Variants in MEIS2 observed in about 807,000 individuals in gnomAD.
The protein encoded by MEIS2 is Meis homeobox 2.
In MEIS2, 9 loss-of-function variants were observed where a neutral mutation model predicts 58.6. The ratio of observed to expected loss-of-function variants is 0.15; its 90% CI spans 0.09 to 0.27. MEIS2 has a LOEUF of 0.27. Ranked by LOEUF, MEIS2 falls within the 10% of genes least tolerant of loss-of-function variation. The pLI, the probability that MEIS2 is intolerant of heterozygous loss-of-function variation, is 1.00. For missense variants in MEIS2, 427 were observed against 635.0 expected (o/e 0.67, Z 3.52); for synonymous variants, 221 against 228.4 (o/e 0.97, Z 0.29).
intron 7 of MEIS2, among the ~76,000 whole-genome samples, chr15:37,052,422 T>C (rs1285701359): frequency 6.6e-6 from 1 of 152,180 alleles, no homozygotes; most frequent in Non-Finnish European, 1.5e-5. Flanking sequence ...ACGTGGCTAG[T>C]TGGTAATGCA....
intron 1 of MEIS2, 53 bp downstream of exon 1, chr15:37,099,402 C>T: frequency 2.5e-6 from 4 of 1,613,450 alleles, no homozygotes; most frequent in Non-Finnish European, 3.4e-6. Context: ...TCGGGACAGG[C>T]CCCTCTTAGG....
intron 8 of MEIS2, among the ~76,000 whole-genome samples, chr15:36,985,959 T>C (rs17526844): frequency 0.2 from 29,728 of 152,204 alleles, 3,962 homozygotes; most frequent in Non-Finnish European, 0.29. Flanking sequence ...ACATGCCTTA[T>C]AAATAGGACC....
chr15:36,926,852 T>C (rs745878983), intron 9 of MEIS2, among the ~76,000 whole-genome samples: 24 of 152,188 alleles, frequency 1.6e-4, no homozygotes, highest in Admixed American at 7.9e-4. Flanking sequence ...TTAAAAGTAT[T>C]CAATACACCC....
intron 7 of MEIS2, among the ~76,000 whole-genome samples, chr15:37,043,635 G>T (rs2141768663): frequency 6.6e-6 from 1 of 150,432 alleles, no homozygotes; most frequent in South Asian, 2.1e-4. Flanking sequence ...TAGTTCGTAG[G>T]TGTTTTCAGT....
chr15:37,075,566 C>T (rs1342878991), intron 7 of MEIS2, among the ~76,000 whole-genome samples: 1 of 151,942 alleles, frequency 6.6e-6, no homozygotes, highest in Admixed American at 6.6e-5. Context: ...ACTTATACAT[C>T]TTAAAAAAGG....
chr15:36,906,928 G>C (rs1438253404), intron 9 of MEIS2, among the ~76,000 whole-genome samples: 1 of 152,036 alleles, frequency 6.6e-6, no homozygotes, highest in East Asian at 1.9e-4. Flanking sequence ...TTTCTAATAG[G>C]ACCAATTCGC....
chr15:37,039,961 T>A (rs1211670751), intron 7 of MEIS2, among the ~76,000 whole-genome samples: 1 of 151,960 alleles, frequency 6.6e-6, no homozygotes, highest in Non-Finnish European at 1.5e-5. Context: ...ATAACGAAAA[T>A]TTTTGAAAGA....
chr15:36,980,318 C>A (rs538303988), intron 8 of MEIS2, among the ~76,000 whole-genome samples: 1 of 152,006 alleles, frequency 6.6e-6, no homozygotes, highest in Admixed American at 6.6e-5. Flanking sequence ...TATATTAGTT[C>A]GTTTTCACGC....
intron 9 of MEIS2, among the ~76,000 whole-genome samples, chr15:36,943,523 T>G (rs1179149905): frequency 6.6e-6 from 1 of 152,146 alleles, no homozygotes; most frequent in East Asian, 1.9e-4. Flanking sequence ...CATGAGAAAT[T>G]TTATCTTCCA....
intron 9 of MEIS2, among the ~76,000 whole-genome samples, chr15:36,906,043 AG>A (rs898172419): frequency 5.9e-4 from 90 of 152,334 alleles, no homozygotes; most frequent in African/African-American, 2.1e-3. Context: ...TTGGAAGAAG[AG>A]AAAACAAGGA....
intron 7 of MEIS2, among the ~76,000 whole-genome samples, chr15:37,055,010 A>G (rs72710649): frequency 0.22 from 33,287 of 152,040 alleles, 3,748 homozygotes; most frequent in East Asian, 0.28. Flanking sequence ...ATCCTATGAG[A>G]GTTGACATTT....
At chr15:36,921,270 A>G (rs1489728754) in intron 9 of MEIS2, among the ~76,000 whole-genome samples, 1 of 152,198 alleles carries the variant, frequency 6.6e-6, no homozygotes, top group Non-Finnish European at 1.5e-5. Flanking sequence ...GATTACATCA[A>G]TCACAGGACC....
intron 8 of MEIS2, among the ~76,000 whole-genome samples, chr15:36,956,729 C>A (rs1595806247): frequency 6.6e-6 from 1 of 152,062 alleles, no homozygotes; most frequent in African/African-American, 2.4e-5. Flanking sequence ...TTCCTAACAT[C>A]GTTTCTACAC....
intron 8 of MEIS2, among the ~76,000 whole-genome samples, chr15:37,025,744 C>T (rs749506711): frequency 7.0e-6 from 1 of 142,276 alleles, no homozygotes; most frequent in Non-Finnish European, 1.5e-5. Context: ...TTCTGTCAAA[C>T]TTGCTCTGCA....
intron 8 of MEIS2, among the ~76,000 whole-genome samples, chr15:36,990,057 G>C (rs2060219203): frequency 6.6e-6 from 1 of 152,096 alleles, no homozygotes; most frequent in Admixed American, 6.6e-5. Flanking sequence ...CCATTCTCCT[G>C]CCTCAGCCTC....
intron 7 of MEIS2, among the ~76,000 whole-genome samples, chr15:37,060,788 G>A (rs1467543848): frequency 2.0e-5 from 3 of 152,096 alleles, no homozygotes; most frequent in African/African-American, 7.2e-5. Context: ...CAGAGTGCAG[G>A]GATTCGGTAC....
intron 8 of MEIS2, among the ~76,000 whole-genome samples, chr15:36,985,005 T>C (rs2060049546): frequency 6.6e-6 from 1 of 152,172 alleles, no homozygotes; most frequent in Non-Finnish European, 1.5e-5. Context: ...GTCAATTTTG[T>C]TCCTTTTCAA....
intron 8 of MEIS2, among the ~76,000 whole-genome samples, chr15:36,974,124 G>A (rs2059661621): frequency 6.6e-6 from 1 of 152,092 alleles, no homozygotes; most frequent in Non-Finnish European, 1.5e-5. Flanking sequence ...ATAAATTCTT[G>A]TCTGGTTATC....
intron 7 of MEIS2, among the ~76,000 whole-genome samples, chr15:37,065,462 C>T (rs147601894): frequency 2.7e-4 from 41 of 152,206 alleles, no homozygotes; most frequent in African/African-American, 9.6e-4. Context: ...TAAGTAATTT[C>T]GGAGCTCTGA....
Sources: gnomAD v4.1 joint callset for allele counts (sites outside exome capture counted in the v4.1 genomes callset) on GRCh38, gnomAD v4.1.1 for gene constraint, MANE v1.5 for transcripts, NCBI Gene and HGNC (gene_info 2026-07-23, HGNC 2026-07-21) for gene names.